DROSHA: variants seen among roughly 807,000 people sequenced by gnomAD.
DROSHA encodes drosha ribonuclease III, also known as ribonuclease 3.
A neutral mutation model predicts 181.9 loss-of-function variants in DROSHA; 56 were observed. The ratio of observed to expected loss-of-function variants is 0.31; its 90% CI spans 0.25 to 0.38. The LOEUF (loss-of-function observed/expected upper bound fraction) is 0.38. DROSHA is among the 10% of genes least tolerant of loss of function. The pLI is 1.00. For missense variants in DROSHA, 1,218 were observed against 1,743.5 expected (o/e 0.70, Z 5.37); for synonymous variants, 524 against 591.2 (o/e 0.89, Z 1.65).
chr5:31,479,159 CAT>C (rs1366189829), intron 16 of DROSHA, among the ~76,000 whole-genome samples: 1 of 152,020 alleles, frequency 6.6e-6, no homozygotes, highest in African/African-American at 2.4e-5. Flanking sequence ...AGTTGTGTAA[CAT>C]ATTGTTATTC....
chr5:31,438,101 C>T (rs1171024854), intron 23 of DROSHA, among the ~76,000 whole-genome samples: 1 of 152,192 alleles, frequency 6.6e-6, no homozygotes, highest in East Asian at 1.9e-4. Flanking sequence ...GTTATTTTCT[C>T]ATGTTCACAT....
At chr5:31,488,413 CAAAAAAAAAAAA>C (rs746732224) in intron 13 of DROSHA, among the ~76,000 whole-genome samples, 2 of 64,094 alleles carry the variant, frequency 3.1e-5, no homozygotes, top group African/African-American at 5.6e-5. Flanking sequence ...ACTCTATCAC[CAAAAAAAAAAAA>C]AAAAAAAAAA....
intron 27 of DROSHA, among the ~76,000 whole-genome samples, chr5:31,427,285 A>G (rs1201809565): frequency 6.6e-6 from 1 of 152,220 alleles, no homozygotes; most frequent in Non-Finnish European, 1.5e-5. Context: ...TAAGCGGGCC[A>G]TTAACATAAT....
At chr5:31,493,344 G>T in intron 12 of DROSHA, 51 bp from the exon 13 acceptor site, 1 of 1,493,774 alleles carries the variant, frequency 6.7e-7, no homozygotes, top group Non-Finnish European at 9.1e-7. Flanking sequence ...GACATGAGTT[G>T]CATATGCAGA....
chr5:31,469,243 G>A lies in DROSHA; in HGVS notation c.2242-1180C>T, dbSNP rs1237739326. ...GTGGTGGCGCACACCTGTAGTCCCAGCTACTCAGGGGGCTGAGGCAGGAGA... is the reference window on the plus strand; with the variant it reads ...GTGGTGGCGCACACCTGTAGTCCCAACTACTCAGGGGGCTGAGGCAGGAGA... On this transcript the variant is annotated intron_variant, in intron 17 of 35. Transcript: ENST00000344624. Among the ~76,000 whole-genome samples the A allele has an allele frequency of 2.0e-5, 3 of 152,288 alleles. No homozygotes were observed. The East Asian group carries it at 5.8e-4, about 29-fold the overall frequency.
chr5:31,432,675 G>C (rs1468626259), intron 25 of DROSHA, among the ~76,000 whole-genome samples: 2 of 152,100 alleles, frequency 1.3e-5, no homozygotes, highest in African/African-American at 4.8e-5. Context: ...TTCCTTTTCT[G>C]ATTTGGCCTC....
chr5:31,512,670 G>A lies in DROSHA; in HGVS notation c.1291-1494C>T, dbSNP rs142032696. On this transcript the variant is annotated intron_variant, in intron 8 of 35. Transcript: ENST00000344624. The stretch of plus-strand genomic sequence containing the variant: ...TTAGAACAGGAATCCTTAAAATCAG[G>A]GAACCTTTGCCAACAGGGGTCAGAG... Among the ~76,000 whole-genome samples, 194 of 152,294 alleles carry A rather than the reference G, an allele frequency of 1.3e-3. 1 individual carries two copies. The highest frequency in any genetic ancestry group is 6.8e-3 in the Middle Eastern group (2 of 294).
intron 3 of DROSHA, 54 bp from the exon 4 acceptor site, chr5:31,529,159 G>T (rs1264686985): frequency 1.6e-5 from 23 of 1,471,428 alleles, no homozygotes; most frequent in Non-Finnish European, 1.9e-5. Context: ...AACTGCCAAT[G>T]CTACAAAATA....
intron 5 of DROSHA, 83 bp downstream of exon 5, chr5:31,525,996 C>T: frequency 1.5e-6 from 2 of 1,359,610 alleles, no homozygotes; most frequent in Non-Finnish European, 2.0e-6. Context: ...CTACTGGATC[C>T]TTTTGGTTTG....
chr5:31,469,445 G>A (rs1749490426), intron 17 of DROSHA, among the ~76,000 whole-genome samples: 1 of 152,076 alleles, frequency 6.6e-6, no homozygotes, highest in Non-Finnish European at 1.5e-5. Flanking sequence ...TGAAAAGTTG[G>A]TCTCTGCTCT....
At chr5:31,427,649 C>T (rs769821093) in intron 27 of DROSHA, among the ~76,000 whole-genome samples, 1 of 152,162 alleles carries the variant, frequency 6.6e-6, no homozygotes, top group East Asian at 1.9e-4. Context: ...CAGCCAAGAA[C>T]CTCCTAAGAA....
rs1749293650 is a variant in DROSHA, at chr5:31,468,048, G to A, written c.2257C>T (p.Arg753Cys). ...TGTTCACGATCCAGTTGATCGATACGGACAGAGCTTGGTTTCTAGAGAGAA... is the reference window on the plus strand; with the variant it reads ...TGTTCACGATCCAGTTGATCGATACAGACAGAGCTTGGTTTCTAGAGAGAA... ...TNPGTKPSSVRIDQLDREQFN... is the reference protein window; with the variant it reads ...TNPGTKPSSVCIDQLDREQFN... Residue 753 changes from arginine (R) to cysteine (C), a missense_variant, in exon 18 of 36, where the codon CGT becomes TGT. Transcript: ENST00000344624. 2.5e-6 allele frequency: 4 copies of A among 1,610,578 alleles called. No individual in the cohort carries two copies. Among genetic ancestry groups the A allele is most frequent in the African/African-American group, 1.3e-5 (1 of 74,856 alleles).
intron 23 of DROSHA, among the ~76,000 whole-genome samples, chr5:31,447,317 TACA>T (rs1746429541): frequency 6.6e-6 from 1 of 152,208 alleles, no homozygotes; most frequent in Non-Finnish European, 1.5e-5. Flanking sequence ...AAAAAATCTG[TACA>T]ACAAACCCCC....
In DROSHA at chr5:31,434,318, C is replaced by T. The variant is rs187424556; in HGVS notation, c.3042+1447G>A. Among the ~76,000 whole-genome samples, 440 of 152,324 alleles carry T rather than the reference C, an allele frequency of 2.9e-3. 1 individual carries two copies. The highest frequency in any genetic ancestry group is 0.01 in the African/African-American group (428 of 41,568). On this transcript the variant is annotated intron_variant, in intron 25 of 35. Coordinates refer to ENST00000344624, the MANE Select transcript of DROSHA (RefSeq NM_001382508.1). Reference sequence around the variant, plus strand: ...AAAACAATAAGGAATGGAGTGACTACCTACTTATTAATATGTATTTCCAGT... The same window carrying T: ...AAAACAATAAGGAATGGAGTGACTATCTACTTATTAATATGTATTTCCAGT...
In DROSHA at chr5:31,406,851, A is replaced by G; in HGVS notation, c.3947+2T>C. The G allele has an allele frequency of 6.2e-7, 1 of 1,613,226 alleles. No individual in the cohort carries two copies. The highest frequency in any genetic ancestry group is 8.5e-7 in the Non-Finnish European group (1 of 1,179,388). ...GCAATTCCAGGTATTCTCTTCTCATACCTTGGTCCTTTCCCACAGCCTATT... is the reference window on the plus strand; with the variant it reads ...GCAATTCCAGGTATTCTCTTCTCATGCCTTGGTCCTTTCCCACAGCCTATT... On this transcript the variant is annotated splice_donor_variant, in intron 34 of 35. Coordinates refer to ENST00000344624, the MANE Select transcript of DROSHA (RefSeq NM_001382508.1). LOFTEE classifies it high-confidence loss of function.
intron 27 of DROSHA, among the ~76,000 whole-genome samples, chr5:31,427,066 A>G (rs1743560694): frequency 6.6e-6 from 1 of 152,198 alleles, no homozygotes; most frequent in African/African-American, 2.4e-5. Flanking sequence ...GGGGGTTAAA[A>G]GTGATGGGTT....
chr5:31,440,787 T>A (rs567952154), intron 23 of DROSHA, among the ~76,000 whole-genome samples: 1 of 152,180 alleles, frequency 6.6e-6, no homozygotes, highest in African/African-American at 2.4e-5. Flanking sequence ...AAAGTATTAA[T>A]AATATTGTAT....
Position 31,470,343 on chromosome 5 carries a change from T to C in DROSHA, c.2241+1720A>G, listed in dbSNP as rs542260319. Among the ~76,000 whole-genome samples the C allele has an allele frequency of 6.6e-6, 1 of 152,330 alleles. No homozygotes were observed. Among genetic ancestry groups the C allele is most frequent in the Non-Finnish European group, 1.5e-5 (1 of 68,022 alleles). ...CTCCTAAAATGAGAGGCTTTCCTGATGCATCCATTGGCTCAACCATTCATC... is the reference window on the plus strand; with the variant it reads ...CTCCTAAAATGAGAGGCTTTCCTGACGCATCCATTGGCTCAACCATTCATC... On this transcript the variant is annotated intron_variant, in intron 17 of 35. Transcript: ENST00000344624. This position sits in a 1 kb window ranked among gnomAD's most constrained non-coding sequence, Gnocchi z 4.0.
At chr5:31,436,739 GAAACACACAC>G (rs1363499117) in intron 24 of DROSHA, among the ~76,000 whole-genome samples, 2 of 108,180 alleles carry the variant, frequency 1.8e-5, no homozygotes, top group East Asian at 5.9e-4. Flanking sequence ...CTTCTGGAGA[GAAACACACAC>G]ACACACACAC....
Sources: gnomAD v4.1 joint callset for allele counts (sites outside exome capture counted in the v4.1 genomes callset) on GRCh38, gnomAD v4.1.1 for gene constraint, Gnocchi (gnomAD v3.1) non-coding constraint, MANE v1.5 for transcripts, NCBI Gene and HGNC (gene_info 2026-07-23, HGNC 2026-07-21) for gene names.